ZBTB20: variants seen among roughly 807,000 people sequenced by gnomAD.
The protein encoded by ZBTB20 is zinc finger and BTB domain containing 20.
In ZBTB20, 9 loss-of-function variants were observed where a neutral mutation model predicts 56.9. The observed-to-expected ratio is 0.16, with a 90% confidence interval of 0.10 to 0.28. The LOEUF (loss-of-function observed/expected upper bound fraction) is 0.28, where lower values mean the gene tolerates loss of function less well. Ranked by LOEUF, ZBTB20 falls within the 10% of genes least tolerant of loss-of-function variation. ZBTB20 has a pLI of 1.00. For synonymous variants in ZBTB20, 417 were observed against 420.7 expected (o/e 0.99, Z 0.11); for missense variants, 655 against 1,003.0 (o/e 0.65, Z 4.69).
At chr3:114,697,550 C>CT (rs1226356488) in intron 5 of ZBTB20, among the ~76,000 whole-genome samples, 1 of 148,850 alleles carries the variant, frequency 6.7e-6, no homozygotes, top group East Asian at 1.9e-4. Context: ...TTTTTTTTTT[C>CT]TTTTTGGCTG....
At chr3:114,950,531 T>A (rs2077030627) in intron 3 of ZBTB20, among the ~76,000 whole-genome samples, 1 of 152,126 alleles carries the variant, frequency 6.6e-6, no homozygotes, top group African/African-American at 2.4e-5. Flanking sequence ...TGTGGAAAAC[T>A]GAAATCATGA....
At chr3:114,345,537 A>G (rs986977243) in intron 11 of ZBTB20, among the ~76,000 whole-genome samples, 4 of 152,216 alleles carry the variant, frequency 2.6e-5, no homozygotes, top group Admixed American at 2.6e-4. Flanking sequence ...GATTCTTATT[A>G]GTGGAATTTT....
intron 3 of ZBTB20, among the ~76,000 whole-genome samples, chr3:114,971,662 G>A (rs1250790435): frequency 6.6e-6 from 1 of 152,174 alleles, no homozygotes; most frequent in Non-Finnish European, 1.5e-5. Flanking sequence ...TATTTAACTG[G>A]TGTATGAGAA....
chr3:114,654,792 T>A (rs547774540), intron 6 of ZBTB20, among the ~76,000 whole-genome samples: 45 of 152,316 alleles, frequency 3.0e-4, no homozygotes, highest in African/African-American at 1.1e-3. Context: ...CCAATTGTTA[T>A]TGTAGATTTT....
At chr3:114,998,987 T>C (rs1010994397) in intron 2 of ZBTB20, among the ~76,000 whole-genome samples, 4 of 118,962 alleles carry the variant, frequency 3.4e-5, no homozygotes, top group East Asian at 2.4e-4. Context: ...AGAATGAGGA[T>C]AGTGGAGGGA....
At chr3:114,965,701 T>C (rs2077621636) in intron 3 of ZBTB20, among the ~76,000 whole-genome samples, 1 of 152,204 alleles carries the variant, frequency 6.6e-6, no homozygotes, top group African/African-American at 2.4e-5. Context: ...ACATCCATTC[T>C]GACAGGTGTG....
At chr3:114,901,298 G>A (rs904373397) in intron 3 of ZBTB20, among the ~76,000 whole-genome samples, 3 of 151,936 alleles carry the variant, frequency 2.0e-5, no homozygotes, top group East Asian at 1.9e-4. Flanking sequence ...GAAAGCAAAC[G>A]GACATGTTTA....
chr3:115,021,454 TA>T (rs1373567712), intron 2 of ZBTB20, among the ~76,000 whole-genome samples: 2 of 150,910 alleles, frequency 1.3e-5, no homozygotes, highest in Non-Finnish European at 3.0e-5. Flanking sequence ...AGAAAGTTTG[TA>T]AAAAAACTAC....
chr3:114,825,926 T>C (rs902203015), intron 4 of ZBTB20, among the ~76,000 whole-genome samples: 2 of 151,992 alleles, frequency 1.3e-5, no homozygotes, highest in East Asian at 3.9e-4. Context: ...TCAGTATCTA[T>C]GATCACTTCT....
chr3:114,698,123 A>G (rs545627980), intron 5 of ZBTB20, among the ~76,000 whole-genome samples: 3 of 152,262 alleles, frequency 2.0e-5, no homozygotes, highest in East Asian at 1.9e-4. Flanking sequence ...GGCTTACCCA[A>G]TCAAAAATAT....
In ZBTB20 at chr3:114,639,623, A is replaced by C. The variant is rs532072064; in HGVS notation, c.-295+53905T>G. ...AAATCAAATTAATTTGAACTTTATA[A>C]TAACTGGGAAAATGCTTTTTAAGTT... On this transcript the variant is annotated intron_variant, in intron 6 of 11. Transcript: ENST00000675478. Among the ~76,000 whole-genome samples, 7 of 152,206 alleles carry C rather than the reference A, an allele frequency of 4.6e-5. No homozygotes were observed. The South Asian group carries it at 1.4e-3, about 32-fold the overall frequency.
chr3:114,628,136 T>A (rs930201346), intron 6 of ZBTB20, among the ~76,000 whole-genome samples: 1 of 152,166 alleles, frequency 6.6e-6, no homozygotes, highest in African/African-American at 2.4e-5. Context: ...CCCTTTGGCA[T>A]CAACTGCTCA....
chr3:114,799,740 C>CA (rs967539037), intron 5 of ZBTB20, among the ~76,000 whole-genome samples: 22 of 151,914 alleles, frequency 1.4e-4, no homozygotes, highest in African/African-American at 5.3e-4. Flanking sequence ...TCATACCAGC[C>CA]AGGCACCATG....
At chr3:114,941,357 C>T (rs549464606) in intron 3 of ZBTB20, among the ~76,000 whole-genome samples, 1 of 146,366 alleles carries the variant, frequency 6.8e-6, no homozygotes, top group Non-Finnish European at 1.5e-5. Context: ...AAGAGACTGA[C>T]CCAACAATAA....
rs867814382 is a variant in ZBTB20, at chr3:114,351,211, T to A, written c.867A>T (p.Thr289=). The A allele has an allele frequency of 1.2e-6, 2 of 1,601,914 alleles. No individual in the cohort carries two copies. Among genetic ancestry groups the A allele is most frequent in the Middle Eastern group, 3.3e-4 (2 of 6,058 alleles). The part of the protein sequence containing the change: ...DHHMEDPSWI[T]RIHERSQQME... Reference sequence around the variant, plus strand: ...TCTGCTGCGAGCGCTCATGGATGCGTGTGATCCAGCTGGGGTCTTCCATGT... The same window carrying A: ...TCTGCTGCGAGCGCTCATGGATGCGAGTGATCCAGCTGGGGTCTTCCATGT... The change falls in exon 11 of 12, where the codon ACA becomes ACT. Residue 289 remains threonine, a synonymous_variant. Coordinates refer to ENST00000675478, the MANE Select transcript of ZBTB20 (RefSeq NM_001348800.3).
At chr3:114,399,972 G>A (rs1249380124) in intron 7 of ZBTB20, among the ~76,000 whole-genome samples, 1 of 152,044 alleles carries the variant, frequency 6.6e-6, no homozygotes, top group African/African-American at 2.4e-5. Context: ...AGATTGAGGT[G>A]GATGGGGTGA....
At chr3:114,480,758 AG>A (rs2041446046) in intron 7 of ZBTB20, among the ~76,000 whole-genome samples, 1 of 152,186 alleles carries the variant, frequency 6.6e-6, no homozygotes, top group Admixed American at 6.5e-5. Context: ...AAAAATGATG[AG>A]GAACACATAG....
At chr3:114,589,685 C>T (rs373447431) in intron 6 of ZBTB20, among the ~76,000 whole-genome samples, 13 of 152,280 alleles carry the variant, frequency 8.5e-5, no homozygotes, top group East Asian at 3.9e-4. Context: ...TACTTCAATA[C>T]CCATCTTTTT....
chr3:114,815,819 T>C (rs925425087), intron 4 of ZBTB20, among the ~76,000 whole-genome samples: 3 of 152,162 alleles, frequency 2.0e-5, no homozygotes, highest in Admixed American at 6.5e-5. Flanking sequence ...AGCTTCTAGA[T>C]GAACAAAATG....
Sources: gnomAD v4.1 joint callset for allele counts (sites outside exome capture counted in the v4.1 genomes callset) on GRCh38, gnomAD v4.1.1 for gene constraint, MANE v1.5 for transcripts, NCBI Gene and HGNC (gene_info 2026-07-23, HGNC 2026-07-21) for gene names.